HYKK: variants seen among roughly 807,000 people sequenced by gnomAD.
HYKK encodes 5-hydroxy-L-lysine kinase.
Under a neutral mutation model 29.7 loss-of-function variants are expected in HYKK, and 19 were observed. That is an observed-to-expected ratio of 0.64 (90% CI 0.45 to 0.94). HYKK has a LOEUF of 0.94. HYKK is among the 40% of genes least tolerant of loss of function. HYKK has a pLI of 0.00. For synonymous variants in HYKK, 152 were observed against 158.1 expected, an observed-to-expected ratio of 0.96 and a Z score of 0.29; for missense variants, 390 against 443.4, an observed-to-expected ratio of 0.88 and a Z score of 1.08.
chr15:78,531,609 G>T (rs1232897769), intron 4 of HYKK, among the ~76,000 whole-genome samples: 1 of 152,072 alleles, frequency 6.6e-6, no homozygotes, highest in Non-Finnish European at 1.5e-5. Context: ...TCAGCTCACT[G>T]CAATCTCTGC....
chr15:78,512,793 G>A (rs1237855991), intron 1 of HYKK, among the ~76,000 whole-genome samples: 1 of 152,160 alleles, frequency 6.6e-6, no homozygotes, highest in Non-Finnish European at 1.5e-5. Context: ...AAATTAATGG[G>A]GGAGGAGGAG....
At chr15:78,515,153 T>C in intron 3 of HYKK, 46 bp downstream of exon 3, 1 of 1,409,436 alleles carries the variant, frequency 7.1e-7, no homozygotes, top group Non-Finnish European at 9.6e-7. Context: ...TTTGTTTGCT[T>C]GTTATTTTAT....
chr15:78,508,487 TAC>T (rs1197010685), intron 1 of HYKK, among the ~76,000 whole-genome samples: 150 of 152,182 alleles, frequency 9.9e-4, no homozygotes, highest in African/African-American at 3.4e-3. Context: ...TTGCACAAAG[TAC>T]AGAGCTTAAG....
intron 3 of HYKK, among the ~76,000 whole-genome samples, chr15:78,515,687 C>G (rs1272161581): frequency 2.0e-5 from 3 of 151,192 alleles, no homozygotes; most frequent in Non-Finnish European, 4.4e-5. Context: ...CTCCCAGATT[C>G]ACGCCATTCT....
intron 4 of HYKK, among the ~76,000 whole-genome samples, chr15:78,529,847 A>ATT (rs35773115): frequency 2.7e-5 from 4 of 150,430 alleles, no homozygotes; most frequent in East Asian, 1.9e-4. Flanking sequence ...ATAATTCTAA[A>ATT]TTTTTTTTTT....
Position 78,533,599 on chromosome 15 carries a change from A to T in HYKK, c.1051A>T (p.Met351Leu). ...GAAACACTTACAGCAAATGTTTGAC[A>T]TGGGTCAGAAAGCTGTAGAAGAAAT... ...GWKHLQQMFDMGQKAVEEIWF... is the reference protein window; with the variant it reads ...GWKHLQQMFDLGQKAVEEIWF... Residue 351 changes from methionine to leucine, a missense_variant, in exon 5 of 5, where the codon ATG (methionine) becomes TTG (leucine). Physicochemically the swap from Met to Leu is conservative, Grantham distance 15. Coordinates refer to ENST00000388988, the MANE Select transcript of HYKK (RefSeq NM_001013619.4). 6.2e-7 allele frequency: 1 copy of T among 1,614,260 alleles called. No homozygotes were observed. Among genetic ancestry groups the T allele is most frequent in the Non-Finnish European group, 8.5e-7 (1 of 1,180,044 alleles).
At position 78,534,313 on chromosome 15, in the gene HYKK, G is replaced by A. The variant is rs1355878494; in HGVS notation, c.*643G>A. 2 of 141,874 alleles carry A rather than the reference G, an allele frequency of 1.4e-5. No homozygotes were observed. Among genetic ancestry groups the A allele is most frequent in the South Asian group, 2.2e-4 (1 of 4,498 alleles). 8.8% of individuals were successfully genotyped at this position (141,874 alleles called of 1,614,324 possible). ...CGCCCAGGCTGGAGTGCAGTGGCAC[G>A]ATCTCGGCTCATTGCAAGCTCCGCT... On this transcript the variant is annotated 3_prime_UTR_variant, in exon 5 of 5. Coordinates refer to ENST00000388988, the MANE Select transcript of HYKK (RefSeq NM_001013619.4).
intron 3 of HYKK, among the ~76,000 whole-genome samples, chr15:78,526,386 G>A (rs1477810519): frequency 6.6e-6 from 1 of 152,182 alleles, no homozygotes; most frequent in Non-Finnish European, 1.5e-5. Flanking sequence ...GAAAAAATAA[G>A]CAGAGACGAC....
rs569165684 is a variant in HYKK at position 78,532,808 on chromosome 15, AAAAAT to A, written c.662-391_662-387del. Among the ~76,000 whole-genome samples the A allele has an allele frequency of 3.2e-3, 491 of 152,320 alleles. 4 individuals carry two copies. The highest frequency in any genetic ancestry group is 6.0e-3 in the Non-Finnish European group (409 of 68,020). ...GACTCATCTCAAAGAATAAAAATTT[AAAAAT>A]AAAATAAAATCCTAGATGAAAATAA... On this transcript the variant is annotated intron_variant, in intron 4 of 4. Coordinates refer to ENST00000388988, the MANE Select transcript of HYKK (RefSeq NM_001013619.4).
chr15:78,511,284 T>C (rs2052070509), intron 1 of HYKK, among the ~76,000 whole-genome samples: 1 of 152,134 alleles, frequency 6.6e-6, no homozygotes, highest in Admixed American at 6.6e-5. Context: ...AAATATTTGG[T>C]TCCTGAAGCA....
chr15:78,527,770 C>T (rs1201465036), intron 4 of HYKK: 2 of 1,301,928 alleles, frequency 1.5e-6, no homozygotes, highest in East Asian at 6.5e-5. Flanking sequence ...GAGTCTACCT[C>T]TCTTCTTCCC....
At chr15:78,510,014 C>T (rs1326651728) in intron 1 of HYKK, among the ~76,000 whole-genome samples, 4 of 152,148 alleles carry the variant, frequency 2.6e-5, no homozygotes, top group South Asian at 4.1e-4. Flanking sequence ...AAGGCCATGG[C>T]AGGGGCTAGG....
At chr15:78,510,712 C>T (rs941420593) in intron 1 of HYKK, among the ~76,000 whole-genome samples, 1 of 152,150 alleles carries the variant, frequency 6.6e-6, no homozygotes, top group African/African-American at 2.4e-5. Context: ...AGATCCACCT[C>T]CTCTGTCCTA....
intron 4 of HYKK, chr15:78,528,332 C>T (rs2052278569): frequency 3.1e-6 from 2 of 638,444 alleles, no homozygotes; most frequent in African/African-American, 2.0e-5. Context: ...AACCATCCTT[C>T]CGCTGTCTCC....
downstream of HYKK, among the ~76,000 whole-genome samples, chr15:78,536,938 C>T (rs977000279): frequency 9.8e-5 from 15 of 152,306 alleles, no homozygotes; most frequent in African/African-American, 3.6e-4. Context: ...GATTCAGTCT[C>T]TCTCCTGGGA....
intron 4 of HYKK, among the ~76,000 whole-genome samples, chr15:78,529,313 G>T (rs936017141): frequency 6.6e-6 from 1 of 152,110 alleles, no homozygotes; most frequent in African/African-American, 2.4e-5. Flanking sequence ...ACTCTTAAAA[G>T]ATACTTGGGT....
chr15:78,510,298 C>T (rs774454719), intron 1 of HYKK, among the ~76,000 whole-genome samples: 1 of 152,124 alleles, frequency 6.6e-6, no homozygotes, highest in Admixed American at 6.5e-5. Context: ...ATTCTCCTGC[C>T]GCAGCCTCCT....
At chr15:78,509,330 G>C (rs1212837733) in intron 1 of HYKK, among the ~76,000 whole-genome samples, 1 of 152,214 alleles carries the variant, frequency 6.6e-6, no homozygotes, top group East Asian at 1.9e-4. Context: ...TTAGGTAGCA[G>C]AACTGGGACT....
intron 4 of HYKK, among the ~76,000 whole-genome samples, chr15:78,531,509 T>C (rs941914603): frequency 6.6e-6 from 1 of 152,180 alleles, no homozygotes; most frequent in Non-Finnish European, 1.5e-5. Context: ...TGCTTGTATT[T>C]CTGTCAAATT....
Sources: allele counts gnomAD v4.1 joint callset (sites outside exome capture counted in the v4.1 genomes callset), GRCh38; gene constraint gnomAD v4.1.1; transcripts MANE v1.5; gene names NCBI Gene and HGNC (gene_info 2026-07-23, HGNC 2026-07-21).